CDH18: variants seen among roughly 807,000 people sequenced by gnomAD.
CDH18 encodes cadherin-18.
In CDH18, 31 loss-of-function variants were observed where a neutral mutation model predicts 67.9. The observed-to-expected ratio is 0.46, with a 90% confidence interval of 0.34 to 0.62. The LOEUF is 0.62. Ranked by LOEUF, CDH18 falls within the 20% of genes least tolerant of loss-of-function variation. CDH18 has a pLI of 0.01. For synonymous variants in CDH18, 362 were observed against 347.2 expected, an observed-to-expected ratio of 1.04 and a Z score of -0.48; for missense variants, 890 against 975.5, an observed-to-expected ratio of 0.91 and a Z score of 1.17.
intron 2 of CDH18, among the ~76,000 whole-genome samples, chr5:20,241,843 C>A (rs1369964460): frequency 8.3e-6 from 1 of 120,654 alleles, no homozygotes; most frequent in Non-Finnish European, 1.6e-5. Flanking sequence ...CAGAGGGAGA[C>A]CCTGTCGCAA....
intron 6 of CDH18, among the ~76,000 whole-genome samples, chr5:19,606,628 AAGAAGACTGT>A (rs1202003143): frequency 3.9e-5 from 6 of 152,054 alleles, no homozygotes; most frequent in Non-Finnish European, 5.9e-5. Context: ...ATCCAGGTTA[AAGAAGACTGT>A]AGAAGACTGT....
chr5:20,574,722 G>A (rs142836260), intron 1 of CDH18, among the ~76,000 whole-genome samples: 13 of 151,968 alleles, frequency 8.6e-5, no homozygotes, highest in East Asian at 1.9e-4. Flanking sequence ...TTTAATATGC[G>A]CGAAGTTCCC....
chr5:19,688,542 T>C (rs925337512), intron 5 of CDH18, among the ~76,000 whole-genome samples: 3 of 152,112 alleles, frequency 2.0e-5, no homozygotes, highest in Non-Finnish European at 2.9e-5. Flanking sequence ...TATAAAAAAG[T>C]CTTCCTCTAA....
At chr5:19,634,378 A>T (rs1752815817) in intron 5 of CDH18, among the ~76,000 whole-genome samples, 1 of 152,296 alleles carries the variant, frequency 6.6e-6, no homozygotes, top group Non-Finnish European at 1.5e-5. Flanking sequence ...TTCTCACTGG[A>T]TTAACTCTAT....
intron 2 of CDH18, among the ~76,000 whole-genome samples, chr5:19,966,755 C>T (rs1219123776): frequency 6.6e-6 from 1 of 151,694 alleles, no homozygotes; most frequent in African/African-American, 2.4e-5. Flanking sequence ...TATTCACCTA[C>T]AATAAATAAT....
chr5:20,304,540 C>G, intron 1 of CDH18: 1 of 1,611,262 alleles, frequency 6.2e-7, no homozygotes, highest in Non-Finnish European at 8.5e-7. Flanking sequence ...AATATCTTTG[C>G]CAAATAAACT....
Position 19,516,056 on chromosome 5 carries a change from T to G in CDH18, c.1512+4601A>C, listed in dbSNP as rs537669230. Among the ~76,000 whole-genome samples, 7 of 152,332 alleles carry G rather than the reference T, an allele frequency of 4.6e-5. No homozygotes were observed. The South Asian group carries it at 1.5e-3, about 32-fold the overall frequency. On this transcript the variant is annotated intron_variant, in intron 10 of 12. Coordinates refer to ENST00000382275, the MANE Select transcript of CDH18 (RefSeq NM_004934.5). ...CTAGTTTATTGAGAGTTTTTTAGCA[T>G]GAAGGGCTGTTGAATTTTGTCAAAG...
At chr5:20,061,907 G>A (rs1742522698) in intron 2 of CDH18, among the ~76,000 whole-genome samples, 1 of 151,982 alleles carries the variant, frequency 6.6e-6, no homozygotes, top group Non-Finnish European at 1.5e-5. Context: ...CCTTGAAGTG[G>A]TCAGGAATCA....
At chr5:19,716,095 A>C (rs1324549016) in intron 5 of CDH18, among the ~76,000 whole-genome samples, 1 of 152,120 alleles carries the variant, frequency 6.6e-6, no homozygotes, top group East Asian at 1.9e-4. Flanking sequence ...CTAGGATTAC[A>C]GGCTTGAGTC....
chr5:19,501,514 GAA>G lies in CDH18; in HGVS notation c.1630+1476_1630+1477del, dbSNP rs33928797. 3.2e-3 allele frequency among the ~76,000 whole-genome samples: 386 copies of G among 121,598 alleles called. 2 individuals carry two copies. The highest frequency in any genetic ancestry group is 7.8e-3 in the African/African-American group (261 of 33,676). 79.8% of individuals were successfully genotyped at this position (121,598 alleles called of 152,430 possible). On this transcript the variant is annotated intron_variant, in intron 11 of 12. Coordinates refer to ENST00000382275, the MANE Select transcript of CDH18 (RefSeq NM_004934.5). Reference sequence around the variant, plus strand: ...GAGAGCAAACCTCCCTCTTAAAAAAGAAAAAAAAAAAAAAAAGAATGTGGGAT... The same window carrying G: ...GAGAGCAAACCTCCCTCTTAAAAAAGAAAAAAAAAAAAAAGAATGTGGGAT...
At chr5:19,759,116 G>C (rs1772006389) in intron 3 of CDH18, among the ~76,000 whole-genome samples, 2 of 152,190 alleles carry the variant, frequency 1.3e-5, no homozygotes, top group African/African-American at 2.4e-5. Flanking sequence ...TCAGTTACCA[G>C]GAAATGTTTT....
intron 12 of CDH18, among the ~76,000 whole-genome samples, chr5:19,481,350 T>C (rs1005294306): frequency 3.3e-5 from 5 of 152,180 alleles, no homozygotes; most frequent in African/African-American, 4.8e-5. Flanking sequence ...CTCATGCAGG[T>C]ATCTACATTA....
intron 1 of CDH18, among the ~76,000 whole-genome samples, chr5:20,260,770 T>G (rs971144373): frequency 6.6e-6 from 1 of 152,300 alleles, no homozygotes; most frequent in African/African-American, 2.4e-5. Flanking sequence ...AGAAGTAAGA[T>G]ACTATTTTGG....
intron 1 of CDH18, among the ~76,000 whole-genome samples, chr5:20,421,254 G>A (rs1580963277): frequency 6.6e-6 from 1 of 151,186 alleles, no homozygotes; most frequent in South Asian, 2.1e-4. Context: ...TTGCACTTCC[G>A]CTATCAGAGA....
intron 3 of CDH18, among the ~76,000 whole-genome samples, chr5:19,748,007 G>T (rs542560417): frequency 1.3e-5 from 2 of 149,142 alleles, no homozygotes; most frequent in African/African-American, 4.9e-5. Flanking sequence ...CAGCTACTCG[G>T]GGGGCTGAGG....
chr5:19,777,235 G>A (rs535619028), intron 3 of CDH18, among the ~76,000 whole-genome samples: 3 of 152,234 alleles, frequency 2.0e-5, no homozygotes, highest in South Asian at 2.1e-4. Context: ...AGCCGAGATC[G>A]CATCATTCCA....
intron 6 of CDH18, among the ~76,000 whole-genome samples, chr5:19,597,220 GAGGTA>G (rs1316876890): frequency 6.6e-6 from 1 of 152,194 alleles, no homozygotes. Context: ...CACCTCCACT[GAGGTA>G]AGCCTTTGGG....
intron 3 of CDH18, among the ~76,000 whole-genome samples, chr5:19,790,215 ATCT>A (rs1165463454): frequency 6.6e-6 from 1 of 152,126 alleles, no homozygotes; most frequent in Non-Finnish European, 1.5e-5. Context: ...CAAAAATCTA[ATCT>A]TCTTAAACTT....
intron 7 of CDH18, among the ~76,000 whole-genome samples, chr5:19,578,309 T>C (rs1032172022): frequency 3.3e-5 from 5 of 152,230 alleles, no homozygotes; most frequent in African/African-American, 1.2e-4. Flanking sequence ...ACAGAATTCC[T>C]TAGTGAATTA....
Sources: gnomAD v4.1 joint callset for allele counts (sites outside exome capture counted in the v4.1 genomes callset) on GRCh38, gnomAD v4.1.1 for gene constraint, MANE v1.5 for transcripts, NCBI Gene and HGNC (gene_info 2026-07-23, HGNC 2026-07-21) for gene names.